The following TMOD3 variants were observed in gnomAD, a reference collection of about 807,000 sequenced individuals.
TMOD3 encodes the protein tropomodulin-3.
Under a neutral mutation model 39.2 loss-of-function variants are expected in TMOD3, and 20 were observed. The observed-to-expected ratio is 0.51, with a 90% CI of 0.36 to 0.74. TMOD3 has a LOEUF of 0.74. TMOD3 is among the 30% of genes least tolerant of loss of function. The pLI is 0.00. For synonymous variants in TMOD3, 143 were observed against 145.8 expected, an observed-to-expected ratio of 0.98 and a Z score of 0.14; for missense variants, 381 against 412.8, an observed-to-expected ratio of 0.92 and a Z score of 0.67.
chr15:51,896,453 A>T lies in TMOD3; in HGVS notation c.662A>T (p.Lys221Met). 1 of 1,613,248 alleles carries T rather than the reference A, an allele frequency of 6.2e-7. No homozygotes were observed. Among genetic ancestry groups the T allele is most frequent in the South Asian group, 1.1e-5 (1 of 90,930 alleles). Residue 221 changes from lysine to methionine, a missense_variant, in exon 7 of 10, where the codon AAG (lysine) becomes ATG (methionine). By Grantham distance (95) the Lys-to-Met change is moderately conservative. Transcript: ENST00000308580. ...IPIPTLKDFA[K>M]ALETNTHVKC... The stretch of plus-strand genomic sequence containing the variant: ...ATTCCAACCCTAAAAGATTTTGCAA[A>T]GGCTTTGGAAACCAACACACATGTG...
At chr15:51,901,572 A>AGTGTGTGTGTGTGTGT (rs57976840) in intron 8 of TMOD3, 77 of 184,890 alleles carry the variant, frequency 4.2e-4, no homozygotes, top group East Asian at 1.2e-3. Flanking sequence ...TAAAAAGTTT[A>AGTGTGTGTGTGTGTGT]GTGTGTGTGT....
At chr15:51,873,953 G>A (rs2056488723) in intron 3 of TMOD3, among the ~76,000 whole-genome samples, 1 of 152,084 alleles carries the variant, frequency 6.6e-6, no homozygotes, top group African/African-American at 2.4e-5. Flanking sequence ...CAAAAACTTG[G>A]GAACCACTAA....
At chr15:51,902,794 C>T (rs1295702955) in intron 9 of TMOD3, among the ~76,000 whole-genome samples, 10 of 152,002 alleles carry the variant, frequency 6.6e-5, no homozygotes, top group African/African-American at 2.2e-4. Flanking sequence ...GGGCTACAGG[C>T]GCCCGCCACC....
chr15:51,842,558 G>C (rs76858252), intron 1 of TMOD3, among the ~76,000 whole-genome samples: 2,271 of 152,144 alleles, frequency 0.015, 84 homozygotes, highest in Admixed American at 0.074. Context: ...TTATTTTTCA[G>C]CTATTCATTC....
intron 1 of TMOD3, among the ~76,000 whole-genome samples, chr15:51,856,370 T>C (rs543299504): frequency 1.3e-5 from 2 of 151,986 alleles, no homozygotes; most frequent in Non-Finnish European, 2.9e-5. Flanking sequence ...CTTTGAACTT[T>C]GGTGTATTAC....
At chr15:51,884,092 C>G (rs1410687115) in intron 3 of TMOD3, among the ~76,000 whole-genome samples, 1 of 152,178 alleles carries the variant, frequency 6.6e-6, no homozygotes, top group South Asian at 2.1e-4. Flanking sequence ...TTGTAAGCCA[C>G]CAGTTAACTG....
chr15:51,855,842 TC>T (rs2056385049), intron 1 of TMOD3, among the ~76,000 whole-genome samples: 1 of 152,212 alleles, frequency 6.6e-6, no homozygotes, highest in Non-Finnish European at 1.5e-5. Flanking sequence ...CTAAGCAGTT[TC>T]TGAGCTCCTG....
intron 3 of TMOD3, among the ~76,000 whole-genome samples, chr15:51,882,900 G>A (rs1004142877): frequency 2.0e-5 from 3 of 151,686 alleles, no homozygotes; most frequent in East Asian, 1.9e-4. Context: ...TTCTGTATTC[G>A]TAATGCTAAA....
rs2056702133 is a variant in TMOD3 at position 51,910,016 on chromosome 15, A to C, written c.*1206A>C. The stretch of plus-strand genomic sequence containing the variant: ...AGTATTAAGGTGAACAATTGAATAG[A>C]GTACTGTGGTCGGGAGACTGATTTG... On this transcript the variant is annotated 3_prime_UTR_variant, in exon 10 of 10. Transcript: ENST00000308580. The C allele has an allele frequency of 6.6e-6, 1 of 152,272 alleles. No homozygotes were observed. Among genetic ancestry groups the C allele is most frequent in the South Asian group, 2.1e-4 (1 of 4,834 alleles). 9.4% of individuals were successfully genotyped at this position (152,272 alleles called of 1,614,324 possible).
chr15:51,840,488 C>T (rs186762121), intron 1 of TMOD3, among the ~76,000 whole-genome samples: 2 of 152,046 alleles, frequency 1.3e-5, no homozygotes, highest in African/African-American at 4.8e-5. Context: ...CATATCAATC[C>T]CATGAGATGG....
intron 1 of TMOD3, among the ~76,000 whole-genome samples, chr15:51,857,896 T>C (rs2056396368): frequency 6.6e-6 from 1 of 152,208 alleles, no homozygotes; most frequent in Admixed American, 6.5e-5. Context: ...AGTGGTGTTA[T>C]TTTTAATTTT....
intron 3 of TMOD3, among the ~76,000 whole-genome samples, chr15:51,886,125 C>CTTTGGGAGGCCAAGGCAG: frequency 1.3e-5 from 2 of 151,746 alleles, no homozygotes; most frequent in South Asian, 4.2e-4. Context: ...CGGGCAGAGA[C>CTTTGGGAGGCCAAGGCAG]GCTCCTCAGT....
chr15:51,877,335 G>A (rs1029286485), intron 3 of TMOD3, among the ~76,000 whole-genome samples: 1 of 152,120 alleles, frequency 6.6e-6, no homozygotes, highest in African/African-American at 2.4e-5. Flanking sequence ...ATTCTGGGGT[G>A]CAGTTAAGTT....
chr15:51,880,991 A>T (rs1442687799), intron 3 of TMOD3, among the ~76,000 whole-genome samples: 3 of 152,152 alleles, frequency 2.0e-5, no homozygotes, highest in African/African-American at 7.2e-5. Context: ...TGTCTGTTTT[A>T]TTGTAGCCAT....
intron 1 of TMOD3, among the ~76,000 whole-genome samples, chr15:51,841,418 C>A (rs1421991864): frequency 6.6e-6 from 1 of 152,096 alleles, no homozygotes; most frequent in African/African-American, 2.4e-5. Flanking sequence ...AAGCTCTCAG[C>A]AACCTCCTCT....
intron 1 of TMOD3, among the ~76,000 whole-genome samples, chr15:51,849,529 C>T (rs1390182894): frequency 6.6e-6 from 1 of 152,092 alleles, no homozygotes; most frequent in African/African-American, 2.4e-5. Context: ...GAGGAGGAAC[C>T]AGCAGAGGAG....
chr15:51,891,770 A>C (rs2056594770), intron 5 of TMOD3, among the ~76,000 whole-genome samples: 1 of 152,206 alleles, frequency 6.6e-6, no homozygotes, highest in African/African-American at 2.4e-5. Flanking sequence ...GCTATCTTGA[A>C]GACTACCTTG....
chr15:51,877,090 G>A (rs954362538), intron 3 of TMOD3, among the ~76,000 whole-genome samples: 50 of 152,214 alleles, frequency 3.3e-4, no homozygotes, highest in African/African-American at 1.2e-3. Flanking sequence ...AGTCTTCTAT[G>A]CCTCTACTTC....
At position 51,859,164 on chromosome 15, in the gene TMOD3, G is replaced by A. The variant is rs1198622836; in HGVS notation, c.-74-3647G>A. ...AGGGCTTGCAATACTGTTTCACAAAGATGGCTGTATTCTTCCTCTTCACAA... is the reference window on the plus strand; with the variant it reads ...AGGGCTTGCAATACTGTTTCACAAAAATGGCTGTATTCTTCCTCTTCACAA... On this transcript the variant is annotated intron_variant, in intron 1 of 9. Coordinates refer to ENST00000308580, the MANE Select transcript of TMOD3 (RefSeq NM_014547.5). 5.7e-6 allele frequency: 4 copies of A among 699,572 alleles called. No homozygotes were observed. The East Asian group carries it at 8.3e-5, about 15-fold the overall frequency. The allele number at this position is 699,572 out of a possible 1,614,324, so 43.3% of individuals were successfully genotyped here.
Sources: gnomAD v4.1 joint callset for allele counts (sites outside exome capture counted in the v4.1 genomes callset) on GRCh38, gnomAD v4.1.1 for gene constraint, MANE v1.5 for transcripts, NCBI Gene and HGNC (gene_info 2026-07-23, HGNC 2026-07-21) for gene names.